DSE: variants seen among roughly 807,000 people sequenced by gnomAD.
The protein encoded by DSE is dermatan sulfate epimerase.
In DSE, 36 loss-of-function variants were observed where a neutral mutation model predicts 84.4. The ratio of observed to expected loss-of-function variants is 0.43; its 90% CI spans 0.33 to 0.56. The LOEUF (loss-of-function observed/expected upper bound fraction) is 0.56. DSE is among the 20% of genes least tolerant of loss of function. The pLI is 0.06. For missense variants in DSE, 862 were observed against 1,169.6 expected (o/e 0.74, Z 3.84); for synonymous variants, 410 against 430.1 (o/e 0.95, Z 0.58).
intron 2 of DSE, among the ~76,000 whole-genome samples, chr6:116,269,636 T>C (rs777122186): frequency 9.9e-5 from 15 of 152,174 alleles, no homozygotes; most frequent in African/African-American, 1.4e-4. Context: ...TCTAGACATA[T>C]GGTATTTTGG....
At chr6:116,409,245 T>A (rs1782140376) in intron 2 of DSE, among the ~76,000 whole-genome samples, 1 of 152,228 alleles carries the variant, frequency 6.6e-6, no homozygotes, top group Non-Finnish European at 1.5e-5. Context: ...ATGCACATAT[T>A]CACTTTATAT....
chr6:116,433,046 G>A (rs916694759), intron 4 of DSE: 33 of 371,406 alleles, frequency 8.9e-5, no homozygotes, highest in African/African-American at 4.1e-4. Context: ...ATATAATCAC[G>A]TATAGCATGA....
intron 2 of DSE, among the ~76,000 whole-genome samples, chr6:116,402,961 C>T (rs1781688756): frequency 6.6e-6 from 1 of 152,142 alleles, no homozygotes; most frequent in African/African-American, 2.4e-5. Flanking sequence ...TATAGATTCA[C>T]TTAAGAATTC....
At chr6:116,301,355 C>T (rs1270404535) in intron 2 of DSE, among the ~76,000 whole-genome samples, 1 of 152,174 alleles carries the variant, frequency 6.6e-6, no homozygotes, top group Non-Finnish European at 1.5e-5. Flanking sequence ...TGGCCTTACC[C>T]ATGTGCAACT....
At chr6:116,368,311 A>G (rs1296295535), upstream of DSE, among the ~76,000 whole-genome samples, 1 of 152,252 alleles carries the variant, frequency 6.6e-6, no homozygotes, top group Non-Finnish European at 1.5e-5. Flanking sequence ...CATCAGTAGC[A>G]TTCAAATCCA....
chr6:116,257,974 A>G (rs1044569644), intron 1 of DSE, among the ~76,000 whole-genome samples: 4 of 152,198 alleles, frequency 2.6e-5, no homozygotes, highest in Non-Finnish European at 5.9e-5. Context: ...CTGTGTTTCA[A>G]TGCCTTAACA....
At chr6:116,317,178 T>A (rs1479252048) in intron 2 of DSE, among the ~76,000 whole-genome samples, 7 of 152,212 alleles carry the variant, frequency 4.6e-5, no homozygotes, top group Non-Finnish European at 1.0e-4. Context: ...CAAAGCCAAC[T>A]ATTAGAGGAG....
At chr6:116,288,195 A>G (rs1251361280) in intron 2 of DSE, 2 of 152,030 alleles carry the variant, frequency 1.3e-5, no homozygotes, top group Non-Finnish European at 2.9e-5. Context: ...CTGAGCCACA[A>G]TTTCCTCATA....
At chr6:116,278,321 A>T (rs574319533) in intron 2 of DSE, 2 of 644,982 alleles carry the variant, frequency 3.1e-6, no homozygotes, top group African/African-American at 3.6e-5. Flanking sequence ...CATGAAGGTC[A>T]TATGGAAGTG....
intron 1 of DSE, among the ~76,000 whole-genome samples, chr6:116,392,566 G>C (rs1486850088): frequency 6.6e-6 from 1 of 152,126 alleles, no homozygotes; most frequent in East Asian, 1.9e-4. Flanking sequence ...TTTCACTCTT[G>C]TTTTCTAAAT....
intron 2 of DSE, among the ~76,000 whole-genome samples, chr6:116,288,994 C>T (rs1277492697): frequency 6.6e-6 from 1 of 151,954 alleles, no homozygotes; most frequent in African/African-American, 2.4e-5. Flanking sequence ...TATCCACTGG[C>T]TCACATAACA....
At chr6:116,259,659 C>T (rs1056664487) in intron 2 of DSE, among the ~76,000 whole-genome samples, 2 of 152,168 alleles carry the variant, frequency 1.3e-5, no homozygotes, top group Admixed American at 6.5e-5. Context: ...CCCAACCCTC[C>T]ATCCTTAGAT....
intron 2 of DSE, among the ~76,000 whole-genome samples, chr6:116,339,996 T>G (rs1043533475): frequency 1.3e-5 from 2 of 152,116 alleles, no homozygotes; most frequent in African/African-American, 4.8e-5. Flanking sequence ...TTGCATGGGA[T>G]TTTAAAAGTC....
At chr6:116,322,610 T>G (rs1776396247) in intron 2 of DSE, among the ~76,000 whole-genome samples, 1 of 151,918 alleles carries the variant, frequency 6.6e-6, no homozygotes, top group Non-Finnish European at 1.5e-5. Flanking sequence ...TGGAGTGATT[T>G]TTTAGGTTTC....
At chr6:116,283,666 C>G (rs575867076) in intron 2 of DSE, among the ~76,000 whole-genome samples, 71 of 152,232 alleles carry the variant, frequency 4.7e-4, no homozygotes, top group African/African-American at 1.7e-3. Context: ...GCCTCAGCCT[C>G]CCGTGTAGCT....
intron 2 of DSE, among the ~76,000 whole-genome samples, chr6:116,407,310 G>T (rs906437131): frequency 6.6e-6 from 1 of 152,200 alleles, no homozygotes; most frequent in Non-Finnish European, 1.5e-5. Context: ...ATGAGATGGA[G>T]AATATGGGGA....
At chr6:116,374,967 T>C (rs1057301033) in intron 1 of DSE, among the ~76,000 whole-genome samples, 1 of 152,202 alleles carries the variant, frequency 6.6e-6, no homozygotes, top group Non-Finnish European at 1.5e-5. Flanking sequence ...TAAGGTTTTC[T>C]CATGGGATTA....
chr6:116,316,660 C>T (rs750180744), intron 2 of DSE, among the ~76,000 whole-genome samples: 6 of 151,846 alleles, frequency 4.0e-5, no homozygotes, highest in Non-Finnish European at 7.4e-5. Context: ...TGCGGAATGA[C>T]CTGAAATGAC....
At chr6:116,267,015 G>C (rs1772655066) in intron 2 of DSE, among the ~76,000 whole-genome samples, 1 of 152,158 alleles carries the variant, frequency 6.6e-6, no homozygotes, top group Non-Finnish European at 1.5e-5. Flanking sequence ...TAAGGTCATA[G>C]TATAACTCAT....
Sources: gnomAD v4.1 joint callset for allele counts (sites outside exome capture counted in the v4.1 genomes callset) on GRCh38, gnomAD v4.1.1 for gene constraint, MANE v1.5 for transcripts, NCBI Gene and HGNC (gene_info 2026-07-23, HGNC 2026-07-21) for gene names.